The following DNAJB6 variants were observed in gnomAD, a reference collection of about 807,000 sequenced individuals.
DNAJB6 encodes the protein dnaJ homolog subfamily B member 6.
Under a neutral mutation model 42.7 loss-of-function variants are expected in DNAJB6, and 16 were observed. That is an observed-to-expected ratio of 0.37 (90% CI 0.25 to 0.57). The LOEUF (loss-of-function observed/expected upper bound fraction) is 0.57, where lower values mean the gene tolerates loss of function less well. Ranked by LOEUF, DNAJB6 falls within the 20% of genes least tolerant of loss-of-function variation. The pLI is 0.74. For missense variants in DNAJB6, 347 were observed against 416.8 expected (o/e 0.83, Z 1.46); for synonymous variants, 170 against 163.5 (o/e 1.04, Z -0.30).
At chr7:157,394,996 T>A (rs1016606112) in intron 8 of DNAJB6, among the ~76,000 whole-genome samples, 3 of 151,962 alleles carry the variant, frequency 2.0e-5, no homozygotes, top group Non-Finnish European at 4.4e-5. Context: ...GAGGCTAAGG[T>A]GCGAGGATTG....
intron 1 of DNAJB6, among the ~76,000 whole-genome samples, chr7:157,341,484 TTACAC>T (rs1284062163): frequency 6.6e-6 from 1 of 152,218 alleles, no homozygotes; most frequent in Non-Finnish European, 1.5e-5. Flanking sequence ...GTGATTTAGT[TTACAC>T]TACATATGAT....
At chr7:157,363,129 G>C (rs1204585057) in intron 2 of DNAJB6, 32 bp from the exon 3 acceptor site, 1 of 1,455,344 alleles carries the variant, frequency 6.9e-7, no homozygotes, top group Non-Finnish European at 9.5e-7. Context: ...TCTGGATTTA[G>C]AATGTGATCT....
At chr7:157,369,899 A>G (rs1293816691) in intron 5 of DNAJB6, among the ~76,000 whole-genome samples, 1 of 147,914 alleles carries the variant, frequency 6.8e-6, no homozygotes, top group Non-Finnish European at 1.5e-5. Context: ...TCTCAACATT[A>G]TTATTAAACA....
At chr7:157,356,664 C>T (rs910750761) in intron 1 of DNAJB6, among the ~76,000 whole-genome samples, 2 of 152,104 alleles carry the variant, frequency 1.3e-5, no homozygotes, top group Non-Finnish European at 2.9e-5. Context: ...AATATTTTAT[C>T]TTTGTTTTAT....
chr7:157,394,542 T>C (rs920514804), intron 8 of DNAJB6, among the ~76,000 whole-genome samples: 1 of 152,132 alleles, frequency 6.6e-6, no homozygotes. Context: ...AAAAAAAAGT[T>C]GAAAATATGA....
intron 5 of DNAJB6, chr7:157,379,741 C>T (rs1161123951): frequency 6.6e-6 from 1 of 152,006 alleles, no homozygotes; most frequent in African/African-American, 2.4e-5. Context: ...CTGCCTTGGC[C>T]TCCTCAGGAG....
intron 5 of DNAJB6, chr7:157,379,643 C>G (rs1301377800): frequency 2.6e-5 from 4 of 152,378 alleles, no homozygotes; most frequent in Non-Finnish European, 5.9e-5. Context: ...TGCCACCACA[C>G]CTGGCTAATT....
At chr7:157,348,956 C>T (rs1293864820) in intron 1 of DNAJB6, among the ~76,000 whole-genome samples, 3 of 152,136 alleles carry the variant, frequency 2.0e-5, no homozygotes, top group African/African-American at 7.2e-5. Flanking sequence ...TTTTTCATTT[C>T]GTCAGTAAAA....
chr7:157,349,534 G>A (rs546388450), intron 1 of DNAJB6, among the ~76,000 whole-genome samples: 6 of 151,902 alleles, frequency 3.9e-5, no homozygotes, highest in Non-Finnish European at 7.4e-5. Flanking sequence ...CCAGGTTGGC[G>A]TGCAGTGGTA....
intron 1 of DNAJB6, among the ~76,000 whole-genome samples, chr7:157,357,136 TA>T (rs930150582): frequency 1.4e-4 from 19 of 140,606 alleles, no homozygotes; most frequent in Non-Finnish European, 1.7e-4. Context: ...CTGTCTCAAT[TA>T]AAAAAAAAAA....
intron 8 of DNAJB6, among the ~76,000 whole-genome samples, chr7:157,387,577 A>G (rs1801132920): frequency 6.6e-6 from 1 of 152,226 alleles, no homozygotes; most frequent in Non-Finnish European, 1.5e-5. Flanking sequence ...ATGTCCAGAA[A>G]TACCAGGAAA....
intron 5 of DNAJB6, among the ~76,000 whole-genome samples, chr7:157,374,899 T>A (rs1482826169): frequency 6.6e-6 from 1 of 152,222 alleles, no homozygotes; most frequent in Non-Finnish European, 1.5e-5. Flanking sequence ...ATTGTTGGCA[T>A]GACAGTCACC....
intron 5 of DNAJB6, among the ~76,000 whole-genome samples, chr7:157,375,492 T>C (rs907725230): frequency 1.8e-4 from 27 of 152,224 alleles, no homozygotes; most frequent in African/African-American, 6.0e-4. Flanking sequence ...ATTATACTTG[T>C]AATAAAAAAC....
At chr7:157,360,815 C>G (rs1207987582) in intron 2 of DNAJB6, among the ~76,000 whole-genome samples, 1 of 152,174 alleles carries the variant, frequency 6.6e-6, no homozygotes, top group African/African-American at 2.4e-5. Context: ...CAGACTCTTC[C>G]TGGGTTTGAG....
intron 8 of DNAJB6, among the ~76,000 whole-genome samples, chr7:157,407,784 T>C (rs1795826446): frequency 6.6e-6 from 1 of 152,202 alleles, no homozygotes; most frequent in Non-Finnish European, 1.5e-5. Context: ...ACTGTCGCCA[T>C]GTGTCCCGCT....
chr7:157,387,759 C>T (rs1327784014), intron 8 of DNAJB6, among the ~76,000 whole-genome samples: 3 of 152,104 alleles, frequency 2.0e-5, no homozygotes, highest in Admixed American at 1.3e-4. Context: ...TGTTTGACTC[C>T]TAAGGAATCT....
At chr7:157,340,998 G>GCT (rs1554450096) in intron 1 of DNAJB6, among the ~76,000 whole-genome samples, 4,028 of 134,978 alleles carry the variant, frequency 0.03, 155 homozygotes, top group East Asian at 0.12. Flanking sequence ...GTGTGTGTGT[G>GCT]CGCGCGCGCA....
chr7:157,365,203 C>A (rs1799783774), intron 3 of DNAJB6, among the ~76,000 whole-genome samples: 1 of 152,238 alleles, frequency 6.6e-6, no homozygotes. Flanking sequence ...ATCCACCTTC[C>A]TTGCCCACGC....
chr7:157,399,582 C>A (rs548097546), intron 8 of DNAJB6, among the ~76,000 whole-genome samples: 1 of 152,188 alleles, frequency 6.6e-6, no homozygotes, highest in Non-Finnish European at 1.5e-5. Flanking sequence ...GTGGGCCGTG[C>A]CCTCTAGGCC....
Sources: gnomAD v4.1 joint callset for allele counts (sites outside exome capture counted in the v4.1 genomes callset) on GRCh38, gnomAD v4.1.1 for gene constraint, MANE v1.5 for transcripts, NCBI Gene and HGNC (gene_info 2026-07-23, HGNC 2026-07-21) for gene names.